The following RBFOX1 variants were observed in gnomAD, a reference collection of about 807,000 sequenced individuals.
The protein encoded by RBFOX1 is RNA binding protein fox-1 homolog 1.
Under a neutral mutation model 57.7 loss-of-function variants are expected in RBFOX1, and 8 were observed. The ratio of observed to expected loss-of-function variants is 0.14; its 90% CI spans 0.08 to 0.25. The LOEUF (loss-of-function observed/expected upper bound fraction) is 0.25. Among genes scored for constraint, RBFOX1 ranks in the 10% least tolerant of loss-of-function variants. The probability of loss-of-function intolerance (pLI) is 1.00; values close to 1 mark genes in which losing one functional copy is unlikely to be tolerated. For synonymous variants in RBFOX1, 326 were observed against 222.4 expected, an observed-to-expected ratio of 1.47 and a Z score of -4.15; for missense variants, 611 against 548.5, an observed-to-expected ratio of 1.11 and a Z score of -1.14.
chr16:5,819,402 A>G (rs1353815776), intron 3 of RBFOX1, among the ~76,000 whole-genome samples: 1 of 152,168 alleles, frequency 6.6e-6, no homozygotes, highest in African/African-American at 2.4e-5. Context: ...GAGGTTAGCA[A>G]TATCTTCCTA....
chr16:6,249,158 T>TAGC (rs1459135494), intron 1 of RBFOX1, among the ~76,000 whole-genome samples: 2 of 152,080 alleles, frequency 1.3e-5, no homozygotes, highest in African/African-American at 4.8e-5. Flanking sequence ...CATGAGAAGG[T>TAGC]AGCATATGGG....
At chr16:7,611,634 C>A (rs920093802) in intron 10 of RBFOX1, among the ~76,000 whole-genome samples, 1 of 151,688 alleles carries the variant, frequency 6.6e-6, no homozygotes, top group Admixed American at 6.6e-5. Flanking sequence ...TTTGACTCCC[C>A]GAGTATGTTT....
intron 4 of RBFOX1, among the ~76,000 whole-genome samples, chr16:7,472,113 C>T (rs1011412216): frequency 3.3e-5 from 5 of 152,120 alleles, no homozygotes; most frequent in African/African-American, 1.2e-4. Flanking sequence ...ATTAAAAAAT[C>T]GAAGAATATA....
At chr16:7,404,560 TA>T (rs1232577568) in intron 4 of RBFOX1, among the ~76,000 whole-genome samples, 4 of 152,124 alleles carry the variant, frequency 2.6e-5, no homozygotes, top group African/African-American at 9.7e-5. Flanking sequence ...GTTCAAAAAG[TA>T]AAGGCTTAAA....
intron 1 of RBFOX1, among the ~76,000 whole-genome samples, chr16:6,109,403 C>G (rs2096418308): frequency 6.6e-6 from 1 of 152,132 alleles, no homozygotes; most frequent in Admixed American, 6.5e-5. Context: ...CCTCTACTGA[C>G]TTATTTTCTT....
chr16:6,087,293 T>G (rs1409694882), intron 1 of RBFOX1, among the ~76,000 whole-genome samples: 1 of 152,202 alleles, frequency 6.6e-6, no homozygotes, highest in Non-Finnish European at 1.5e-5. Context: ...TCCAGAGTTT[T>G]GTGCCTTCGA....
chr16:6,556,996 C>CAT (rs886273516), intron 2 of RBFOX1, among the ~76,000 whole-genome samples: 67 of 43,010 alleles, frequency 1.6e-3, no homozygotes, highest in African/African-American at 3.7e-3. Context: ...TATATACATA[C>CAT]ATATATATAC....
chr16:5,392,084 G>C (rs757189021), intron 1 of RBFOX1, among the ~76,000 whole-genome samples: 2 of 152,034 alleles, frequency 1.3e-5, no homozygotes, highest in Non-Finnish European at 2.9e-5. Flanking sequence ...TAAGCTATGA[G>C]GACGCAAAGG....
intron 3 of RBFOX1, among the ~76,000 whole-genome samples, chr16:5,657,775 C>G (rs374638757): frequency 6.9e-6 from 1 of 144,714 alleles, no homozygotes; most frequent in Non-Finnish European, 1.5e-5. Context: ...CTCTGTCACC[C>G]AGGTTGGAGT....
chr16:6,356,052 G>A (rs567685426), intron 2 of RBFOX1, among the ~76,000 whole-genome samples: 2 of 152,312 alleles, frequency 1.3e-5, no homozygotes, highest in East Asian at 3.9e-4. Flanking sequence ...ATATTCATGA[G>A]TCAATAGTGA....
At chr16:7,581,405 C>T (rs1049195616) in intron 6 of RBFOX1, among the ~76,000 whole-genome samples, 12 of 152,086 alleles carry the variant, frequency 7.9e-5, no homozygotes, top group Non-Finnish European at 1.5e-4. Context: ...ATTCTCTTTG[C>T]CGTGTCAGGT....
chr16:7,573,032 G>A (rs1321228516), intron 5 of RBFOX1, among the ~76,000 whole-genome samples: 1 of 152,096 alleles, frequency 6.6e-6, no homozygotes, highest in Non-Finnish European at 1.5e-5. Flanking sequence ...AAAAAGGCAA[G>A]AAGAGATGTA....
chr16:6,634,394 G>T (rs1412978134), intron 2 of RBFOX1, among the ~76,000 whole-genome samples: 4 of 151,846 alleles, frequency 2.6e-5, no homozygotes, highest in Admixed American at 6.6e-5. Context: ...AAACCTCCGT[G>T]AGTATGTTTA....
chr16:6,426,801 A>T (rs1344700302), intron 2 of RBFOX1, among the ~76,000 whole-genome samples: 1 of 152,076 alleles, frequency 6.6e-6, no homozygotes, highest in Non-Finnish European at 1.5e-5. Context: ...ACCTGTCTTG[A>T]CCTCTGCAAA....
chr16:5,976,486 T>G (rs867317334), intron 4 of RBFOX1, among the ~76,000 whole-genome samples: 1 of 152,158 alleles, frequency 6.6e-6, no homozygotes, highest in African/African-American at 2.4e-5. Context: ...AGAATCCCAT[T>G]AGGAAAGAAA....
At position 6,060,122 on chromosome 16, in the gene RBFOX1, G is replaced by GTTTTTTTT. The variant is rs199690584; in HGVS notation, c.-127+40159_-127+40166dup. ...ATTTGGCCCTAAAATTAGGATTAGG[G>GTTTTTTTT]TTTTTTTTTTTTTTTTTTTTTTTTT... On this transcript the variant is annotated intron_variant, in intron 1 of 15. Coordinates refer to ENST00000550418, the MANE Select transcript of RBFOX1 (RefSeq NM_018723.4). 8.6e-4 allele frequency among the ~76,000 whole-genome samples: 98 copies of GTTTTTTTT among 114,176 alleles called. 10 individuals carry two copies. The highest frequency in any genetic ancestry group is 1.8e-3 in the African/African-American group (50 of 27,748). The allele number at this position is 114,176 out of a possible 152,430, so 74.9% of individuals were successfully genotyped here.
At chr16:6,295,369 C>T (rs1241150517) in intron 1 of RBFOX1, among the ~76,000 whole-genome samples, 1 of 152,074 alleles carries the variant, frequency 6.6e-6, no homozygotes, top group East Asian at 1.9e-4. Flanking sequence ...TGTGATCTGT[C>T]CACCTTGGCC....
intron 4 of RBFOX1, among the ~76,000 whole-genome samples, chr16:7,177,524 G>A (rs2081926036): frequency 6.6e-6 from 1 of 152,002 alleles, no homozygotes; most frequent in South Asian, 2.1e-4. Flanking sequence ...AGTAGATCAG[G>A]GATGCTTTAT....
At chr16:7,599,356 C>T (rs913158248) in intron 9 of RBFOX1, among the ~76,000 whole-genome samples, 2 of 152,174 alleles carry the variant, frequency 1.3e-5, no homozygotes, top group South Asian at 2.1e-4. Context: ...GAAACTGGAG[C>T]GAGAAAAGCC....
Sources: gnomAD v4.1 joint callset for allele counts (sites outside exome capture counted in the v4.1 genomes callset) on GRCh38, gnomAD v4.1.1 for gene constraint, MANE v1.5 for transcripts, NCBI Gene and HGNC (gene_info 2026-07-23, HGNC 2026-07-21) for gene names.